CTBP1: variants seen among roughly 807,000 people sequenced by gnomAD.
CTBP1 encodes C-terminal-binding protein 1.
CTBP1 carries 11 observed loss-of-function variants against 42.1 expected under a neutral mutation model. The ratio of observed to expected loss-of-function variants is 0.26; its 90% CI spans 0.16 to 0.43. The LOEUF is 0.43. Among genes scored for constraint, CTBP1 ranks in the 20% least tolerant of loss-of-function variants. The pLI is 1.00. For synonymous variants in CTBP1, 324 were observed against 277.1 expected (o/e 1.17, Z -1.68); for missense variants, 399 against 624.3 (o/e 0.64, Z 3.85).
intron 7 of CTBP1, 115 bp downstream of exon 7, chr4:1,214,228 C>T (rs754501106): frequency 6.1e-6 from 8 of 1,318,018 alleles, no homozygotes; most frequent in South Asian, 1.8e-5. Context: ...TGCTGGCCAG[C>T]GAGAGGCCTG....
intron 4 of CTBP1, among the ~76,000 whole-genome samples, chr4:1,227,718 T>C: frequency 6.6e-6 from 1 of 150,932 alleles, no homozygotes; most frequent in Non-Finnish European, 1.5e-5. Context: ...ATGTGCGTGT[T>C]CCGTGTGTGT....
At chr4:1,248,800 C>A (rs1733047129) in intron 1 of CTBP1, 116 bp downstream of exon 1, 1 of 945,912 alleles carries the variant, frequency 1.1e-6, no homozygotes, top group South Asian at 4.9e-5. Flanking sequence ...CACTCGCACA[C>A]AAAGCCGGCG....
In CTBP1 at chr4:1,220,348, G is replaced by A. The variant is rs537364033; in HGVS notation, c.515-4143C>T. Among the ~76,000 whole-genome samples the A allele has an allele frequency of 5.3e-5, 8 of 151,388 alleles. No homozygotes were observed. The East Asian group carries it at 1.5e-3, about 29-fold the overall frequency. On this transcript the variant is annotated intron_variant, in intron 5 of 9. Transcript: ENST00000382952. Reference sequence around the variant, plus strand: ...TATAACAGCATTACAAATGCCAAATGCCTAACAATAAACTTAATGAACTAC... The same window carrying A: ...TATAACAGCATTACAAATGCCAAATACCTAACAATAAACTTAATGAACTAC...
intron 5 of CTBP1, among the ~76,000 whole-genome samples, chr4:1,219,601 TAAAG>T (rs1270272200): frequency 2.0e-5 from 3 of 152,012 alleles, no homozygotes; most frequent in Non-Finnish European, 4.4e-5. Flanking sequence ...AAGGCAAAAA[TAAAG>T]AAATTAAAGA....
At chr4:1,241,771 T>G in intron 1 of CTBP1, 3 of 1,190,278 alleles carry the variant, frequency 2.5e-6, no homozygotes, top group Non-Finnish European at 3.2e-6. Context: ...CGAGGCCTAC[T>G]CCTGGGAACA....
chr4:1,240,214 G>A (rs919031433), intron 2 of CTBP1, among the ~76,000 whole-genome samples: 1 of 140,460 alleles, frequency 7.1e-6, no homozygotes, highest in Non-Finnish European at 1.5e-5. Context: ...AGTGGGAACC[G>A]GGTCCCTCGT....
At chr4:1,249,624 C>A (rs2108818934), upstream of CTBP1, 1 of 391,846 alleles carries the variant, frequency 2.6e-6, no homozygotes, top group East Asian at 1.4e-4. Flanking sequence ...GGCCCCCCAT[C>A]GCCCCCACCC....
intron 3 of CTBP1, among the ~76,000 whole-genome samples, chr4:1,232,531 T>C (rs1401057391): frequency 6.6e-6 from 1 of 152,080 alleles, no homozygotes. Flanking sequence ...AGGCTGGTCT[T>C]GAACTCCTGA....
At chr4:1,221,663 G>A (rs912893583) in intron 5 of CTBP1, 8 of 274,500 alleles carry the variant, frequency 2.9e-5, no homozygotes, top group South Asian at 1.4e-4. Context: ...ATCCCACCTC[G>A]GCACAGCTGG....
rs541026437 is a variant in CTBP1 at position 1,248,922 on chromosome 4, G to A, written c.-195C>T. 20 of 1,004,936 alleles carry A rather than the reference G, an allele frequency of 2.0e-5. No homozygotes were observed. The highest frequency in any genetic ancestry group is 7.2e-6 in the Non-Finnish European group (6 of 837,478). The allele number at this position is 1,004,936 out of a possible 1,614,324, so 62.3% of individuals were successfully genotyped here. On this transcript the variant is annotated 5_prime_UTR_variant, in exon 1 of 10. Coordinates refer to ENST00000382952, the MANE Select transcript of CTBP1 (RefSeq NM_001012614.2). ...CGCGCGCGCGCGGCCTTACCAAGCG[G>A]CAGGCCCTTGTTGAGCAAGTGCGAG...
At chr4:1,221,037 C>T (rs757913977) in intron 5 of CTBP1, among the ~76,000 whole-genome samples, 1 of 152,198 alleles carries the variant, frequency 6.6e-6, no homozygotes, top group Non-Finnish European at 1.5e-5. Flanking sequence ...CAAGCCACGG[C>T]CTGAGATATT....
chr4:1,240,974 CG>C (rs1732116334), intron 2 of CTBP1, among the ~76,000 whole-genome samples: 1 of 152,244 alleles, frequency 6.6e-6, no homozygotes, highest in Admixed American at 6.5e-5. Context: ...CTGGGCCAGC[CG>C]GGTGGACACC....
chr4:1,224,616 CTGTA>C (rs1240573255), intron 5 of CTBP1, among the ~76,000 whole-genome samples: 8 of 149,300 alleles, frequency 5.4e-5, no homozygotes, highest in East Asian at 4.0e-4. Flanking sequence ...TGTGTGAGGC[CTGTA>C]TGTGTGCTGT....
chr4:1,245,734 A>G (rs1353993208), intron 1 of CTBP1: 2 of 956,084 alleles, frequency 2.1e-6, no homozygotes, highest in African/African-American at 3.5e-5. Context: ...TCAGGGTGGC[A>G]CGTGTGGGTA....
At chr4:1,219,155 G>A (rs1482388091) in intron 5 of CTBP1, among the ~76,000 whole-genome samples, 1 of 152,052 alleles carries the variant, frequency 6.6e-6, no homozygotes, top group Non-Finnish European at 1.5e-5. Flanking sequence ...AACACAGCAA[G>A]ACTTTGTCTC....
At position 1,248,922 on chromosome 4, in the gene CTBP1, G is replaced by C; in HGVS notation, c.-195C>G. The C allele has an allele frequency of 6.0e-6, 6 of 1,004,946 alleles. No individual in the cohort carries two copies. Among genetic ancestry groups the C allele is most frequent in the Non-Finnish European group, 7.2e-6 (6 of 837,470 alleles). 62.3% of individuals were successfully genotyped at this position (1,004,946 alleles called of 1,614,324 possible). A position where few individuals can be genotyped will look rare whatever the true frequency, so the allele number is the denominator to read the frequency against. ...CGCGCGCGCGCGGCCTTACCAAGCG[G>C]CAGGCCCTTGTTGAGCAAGTGCGAG... On this transcript the variant is annotated 5_prime_UTR_variant, in exon 1 of 10. Transcript: ENST00000382952.
At chr4:1,249,581 C>T (rs567402568), upstream of CTBP1, 167 of 331,686 alleles carry the variant, frequency 5.0e-4, no homozygotes, top group South Asian at 3.3e-3. Flanking sequence ...GGCCCGTGCG[C>T]CTCCGAGGCT....
chr4:1,214,269 C>T lies in CTBP1; in HGVS notation c.860+74G>A, dbSNP rs767737195. ...AGGCAAGTGTCCGGCCTGGCAGAGG[C>T]GCCGTCTGGAGGTCAAGGCCGGCAG... On this transcript the variant is annotated intron_variant, in intron 7 of 9. Transcript: ENST00000382952. The T allele has an allele frequency of 1.5e-5, 22 of 1,445,288 alleles. 1 individual carries two copies. Among genetic ancestry groups the T allele is most frequent in the South Asian group, 4.5e-5 (3 of 66,650 alleles). The allele number at this position is 1,445,288 out of a possible 1,614,324, so 89.5% of individuals were successfully genotyped here.
intron 4 of CTBP1, 141 bp downstream of exon 4, chr4:1,228,058 G>C (rs1730571189): frequency 8.6e-7 from 1 of 1,158,824 alleles, no homozygotes; most frequent in African/African-American, 1.5e-5. Flanking sequence ...GCCGGCCCCA[G>C]ACGGGACCAC....
Sources: gnomAD v4.1 joint callset for allele counts (sites outside exome capture counted in the v4.1 genomes callset) on GRCh38, gnomAD v4.1.1 for gene constraint, MANE v1.5 for transcripts, NCBI Gene and HGNC (gene_info 2026-07-23, HGNC 2026-07-21) for gene names.